SVIL: variants seen among roughly 807,000 people sequenced by gnomAD.
SVIL encodes the protein supervillin, also known as archvillin.
A neutral mutation model predicts 240.4 loss-of-function variants in SVIL; 101 were observed. The observed-to-expected ratio is 0.42, with a 90% CI of 0.36 to 0.50. The LOEUF is 0.50. SVIL is among the 20% of genes least tolerant of loss of function. The pLI, the probability that SVIL is intolerant of heterozygous loss-of-function variation, is 0.01. For synonymous variants in SVIL, 999 were observed against 1,100.0 expected, an observed-to-expected ratio of 0.91 and a Z score of 1.82; for missense variants, 2,512 against 2,818.7, an observed-to-expected ratio of 0.89 and a Z score of 2.46.
chr10:29,649,874 T>G (rs1446681307), intron 3 of SVIL, among the ~76,000 whole-genome samples: 1 of 152,226 alleles, frequency 6.6e-6, no homozygotes, highest in Non-Finnish European at 1.5e-5. Context: ...GAGTGCTCTG[T>G]CCTTGTGAAT....
intron 12 of SVIL, among the ~76,000 whole-genome samples, chr10:29,529,166 A>ACT (rs1364044648): frequency 7.8e-6 from 1 of 128,244 alleles, no homozygotes; most frequent in African/African-American, 3.1e-5. Flanking sequence ...ACAGAGCAAG[A>ACT]CTCTCTCTCA....
At chr10:29,552,131 A>G (rs796359735) in intron 5 of SVIL, among the ~76,000 whole-genome samples, 2 of 42,532 alleles carry the variant, frequency 4.7e-5, no homozygotes, top group East Asian at 1.5e-3. Context: ...AAACAAAACA[A>G]AAAAAAAAAC....
chr10:29,470,555 G>A, intron 31 of SVIL, 72 bp from the exon 32 acceptor site: 1 of 1,558,046 alleles, frequency 6.4e-7, no homozygotes, highest in Admixed American at 1.8e-5. Context: ...CCTTCCTAGT[G>A]TCCGCTGTGT....
intron 16 of SVIL, among the ~76,000 whole-genome samples, chr10:29,518,052 A>G (rs1950328158): frequency 6.6e-6 from 1 of 152,188 alleles, no homozygotes; most frequent in Non-Finnish European, 1.5e-5. Flanking sequence ...TTTGCTGGTT[A>G]TGGTTCAAAT....
rs990520725 is a variant in SVIL, at chr10:29,532,492, A to G, written c.1838+37T>C. ...TGAATCATTCTGCCAGGGACGTGCA[A>G]GTGACACAGCTGGAGGGCGTGTGAA... On this transcript the variant is annotated intron_variant, in intron 8 of 37. Coordinates refer to ENST00000355867, the MANE Select transcript of SVIL (RefSeq NM_021738.3). 2.5e-6 allele frequency: 4 copies of G among 1,571,166 alleles called. No homozygotes were observed. In the African/African-American group the frequency reaches 4.1e-5, roughly 16 times the overall value.
At chr10:29,541,378 G>A (rs1952143848) in intron 6 of SVIL, among the ~76,000 whole-genome samples, 1 of 152,158 alleles carries the variant, frequency 6.6e-6, no homozygotes, top group South Asian at 2.1e-4. Flanking sequence ...CTGGGATGAT[G>A]ATTATACATT....
chr10:29,519,205 A>G (rs1950410168), intron 16 of SVIL, among the ~76,000 whole-genome samples: 1 of 152,152 alleles, frequency 6.6e-6, no homozygotes, highest in Admixed American at 6.5e-5. Context: ...TCTAGCTGGG[A>G]TTTCTGTCCT....
At chr10:29,594,555 TTTTC>T (rs1271102936) in intron 1 of SVIL, among the ~76,000 whole-genome samples, 1 of 115,962 alleles carries the variant, frequency 8.6e-6, no homozygotes, top group African/African-American at 3.1e-5. Flanking sequence ...TCTTAATTTT[TTTTC>T]TTTTTTTTTT....
intron 1 of SVIL, among the ~76,000 whole-genome samples, chr10:29,628,251 T>A (rs1957950671): frequency 6.6e-6 from 1 of 152,228 alleles, no homozygotes; most frequent in Non-Finnish European, 1.5e-5. Flanking sequence ...AATCAAGTGC[T>A]TTCCCATTTG....
intron 1 of SVIL, among the ~76,000 whole-genome samples, chr10:29,727,499 A>G (rs1399648287): frequency 6.6e-6 from 1 of 152,132 alleles, no homozygotes; most frequent in Non-Finnish European, 1.5e-5. Flanking sequence ...CATGAGTCCA[A>G]CCATTATTCA....
chr10:29,716,688 G>A lies in SVIL; in HGVS notation c.-400+19063C>T, dbSNP rs572017543. Among the ~76,000 whole-genome samples the A allele has an allele frequency of 2.6e-4, 40 of 152,260 alleles. No individual in the cohort carries two copies. The South Asian group carries it at 6.8e-3, about 26-fold the overall frequency. ...CAAAATAAGAATGGCCAAAAAAATTGTTTTAATGATTTTTTACATCTCAGC... is the reference window on the plus strand; with the variant it reads ...CAAAATAAGAATGGCCAAAAAAATTATTTTAATGATTTTTTACATCTCAGC... On this transcript the variant is annotated intron_variant, in intron 1 of 35. Coordinates refer to the SVIL transcript ENST00000375400.
chr10:29,674,753 G>A (rs1960070178), intron 2 of SVIL, among the ~76,000 whole-genome samples: 1 of 152,068 alleles, frequency 6.6e-6, no homozygotes, highest in South Asian at 2.1e-4. Context: ...GTGTTGGCAG[G>A]GCCTCATTTC....
chr10:29,688,018 T>A lies in SVIL; in HGVS notation c.-399-1367A>T, dbSNP rs537567931. On this transcript the variant is annotated intron_variant, in intron 1 of 35. Transcript: ENST00000375400. ...GCATTGCAAATAGTTCACACACATATGCAGAAGCAGCAATGACACTTTCCC... is the reference window on the plus strand; with the variant it reads ...GCATTGCAAATAGTTCACACACATAAGCAGAAGCAGCAATGACACTTTCCC... 2.6e-5 allele frequency among the ~76,000 whole-genome samples: 4 copies of A among 152,246 alleles called. No individual in the cohort carries two copies. The South Asian group carries it at 8.3e-4, about 32-fold the overall frequency.
chr10:29,587,552 G>T (rs1172408369), intron 1 of SVIL, among the ~76,000 whole-genome samples: 1 of 152,204 alleles, frequency 6.6e-6, no homozygotes, highest in African/African-American at 2.4e-5. Flanking sequence ...ACTTGTCCCT[G>T]CAGTTGGCCA....
rs77037818 is a variant in SVIL, at chr10:29,625,360, G to A, written c.-201+9060C>T. ...CCTTTGCCTTGGTAATGAAATCAAC[G>A]TTTTATAGACCGAATGTTATGATAG... On this transcript the variant is annotated intron_variant, in intron 1 of 37. Coordinates refer to ENST00000355867, the MANE Select transcript of SVIL (RefSeq NM_021738.3). Among the ~76,000 whole-genome samples the A allele has an allele frequency of 4.9e-3, 739 of 152,206 alleles. 5 individuals are homozygous for A. Among genetic ancestry groups the A allele is most frequent in the African/African-American group, 0.017 (711 of 41,514 alleles).
chr10:29,695,222 T>C (rs1327339334), intron 1 of SVIL, among the ~76,000 whole-genome samples: 1 of 152,222 alleles, frequency 6.6e-6, no homozygotes, highest in Non-Finnish European at 1.5e-5. Context: ...TTTAAAATAC[T>C]AATTGATTCC....
intron 1 of SVIL, among the ~76,000 whole-genome samples, chr10:29,576,343 C>T (rs1955694310): frequency 6.6e-6 from 1 of 151,854 alleles, no homozygotes; most frequent in South Asian, 2.1e-4. Flanking sequence ...GTTGACAAGG[C>T]TTGTGATTAT....
chr10:29,647,971 C>CAAAAAAAAAAAAAAAA (rs3030628), intron 3 of SVIL, among the ~76,000 whole-genome samples: 1 of 96,316 alleles, frequency 1.0e-5, no homozygotes, highest in African/African-American at 4.0e-5. Flanking sequence ...TTGTCAATAT[C>CAAAAAAAAAAAAAAAA]AAAAAAAAAA....
chr10:29,493,249 CT>C lies in SVIL; in HGVS notation c.3983del (p.Glu1328GlyfsTer14). The C allele has an allele frequency of 6.2e-7, 1 of 1,614,078 alleles. No homozygotes were observed. Among genetic ancestry groups the C allele is most frequent in the Non-Finnish European group, 8.5e-7 (1 of 1,180,016 alleles). On this transcript the variant is annotated frameshift_variant, in exon 21 of 38. Transcript: ENST00000355867. LOFTEE classifies it high-confidence loss of function. ...AAGGATCGAAAATGACATCGAAGTC[CT>C]CATCCATCTCCACAGGACTTCTTGG... is the stretch of plus-strand genomic sequence containing the variant. ...NMPRSPVEMD[E>X]DFDVIFDPYA...
Sources: gnomAD v4.1 joint callset for allele counts (sites outside exome capture counted in the v4.1 genomes callset) on GRCh38, gnomAD v4.1.1 for gene constraint, MANE v1.5 for transcripts, NCBI Gene and HGNC (gene_info 2026-07-23, HGNC 2026-07-21) for gene names.